Variants in TRPM3 observed in about 807,000 individuals in gnomAD.
The protein encoded by TRPM3 is long transient receptor potential channel 3.
A neutral mutation model predicts 181.2 loss-of-function variants in TRPM3; 77 were observed. The ratio of observed to expected loss-of-function variants is 0.42; its 90% CI spans 0.35 to 0.51. The LOEUF (loss-of-function observed/expected upper bound fraction) is 0.51. TRPM3 is among the 20% of genes least tolerant of loss of function. TRPM3 has a pLI of 0.01. For synonymous variants in TRPM3, 745 were observed against 796.4 expected (o/e 0.94, Z 1.09); for missense variants, 1,759 against 2,196.7 (o/e 0.80, Z 3.98).
At chr9:70,962,355 G>C (rs2097144575) in intron 1 of TRPM3, among the ~76,000 whole-genome samples, 1 of 152,174 alleles carries the variant, frequency 6.6e-6, no homozygotes, top group African/African-American at 2.4e-5. Context: ...GGATCTGCCT[G>C]TATCACGGGC....
At position 71,357,488 on chromosome 9, in the gene TRPM3, C is replaced by T. The variant is rs78967439; in HGVS notation, c.183+89165G>A. 6.0e-3 allele frequency among the ~76,000 whole-genome samples: 907 copies of T among 152,188 alleles called. 13 individuals carry two copies. Among genetic ancestry groups the T allele is most frequent in the African/African-American group, 0.021 (872 of 41,522 alleles). ...TCGTAGCAGTTCTCTCCATTGCATA[C>T]AAAGATAGCAGTACTGTCCCCTCGC... On this transcript the variant is annotated intron_variant, in intron 1 of 24. Coordinates refer to the TRPM3 transcript ENST00000357533.
chr9:71,094,540 A>C (rs954112010), intron 1 of TRPM3, among the ~76,000 whole-genome samples: 1 of 151,586 alleles, frequency 6.6e-6, no homozygotes, highest in Non-Finnish European at 1.5e-5. Flanking sequence ...GAGAAATAGA[A>C]GAGGAATATA....
At chr9:70,634,236 A>G (rs113714628) in intron 12 of TRPM3, among the ~76,000 whole-genome samples, 4 of 152,218 alleles carry the variant, frequency 2.6e-5, no homozygotes, top group Middle Eastern at 3.4e-3. Context: ...CAGCCTCCCA[A>G]GTAGCTGAGC....
intron 1 of TRPM3, among the ~76,000 whole-genome samples, chr9:70,910,112 C>T (rs1412742076): frequency 6.6e-6 from 1 of 152,178 alleles, no homozygotes; most frequent in Admixed American, 6.5e-5. Flanking sequence ...TAAGTGCTTA[C>T]AGTACCATTA....
intron 9 of TRPM3, among the ~76,000 whole-genome samples, chr9:70,652,959 T>G (rs1039503237): frequency 6.6e-6 from 1 of 152,116 alleles, no homozygotes; most frequent in African/African-American, 2.4e-5. Flanking sequence ...AAAGGTTAGA[T>G]GCTACCTTGC....
intron 1 of TRPM3, among the ~76,000 whole-genome samples, chr9:71,032,001 TTATATA>T (rs2057419908): frequency 3.8e-5 from 2 of 52,792 alleles, no homozygotes; most frequent in African/African-American, 1.1e-4. Context: ...ATATATATAA[TTATATA>T]ATATATAATA....
intron 9 of TRPM3, among the ~76,000 whole-genome samples, chr9:70,676,594 C>T (rs1165856763): frequency 6.6e-6 from 1 of 152,140 alleles, no homozygotes; most frequent in Non-Finnish European, 1.5e-5. Flanking sequence ...GCAGGGCCAG[C>T]TGAGAGGAGC....
chr9:70,667,451 T>C (rs1419047359), intron 9 of TRPM3, among the ~76,000 whole-genome samples: 1 of 152,208 alleles, frequency 6.6e-6, no homozygotes, highest in Non-Finnish European at 1.5e-5. Context: ...TATGCATTAA[T>C]TGATTTCATC....
rs1488321795 is a variant in TRPM3, at chr9:71,095,028, T to C, written c.177+26150A>G. Among the ~76,000 whole-genome samples, 3 of 152,168 alleles carry C rather than the reference T, an allele frequency of 2.0e-5. No individual in the cohort carries two copies. In the East Asian group the frequency reaches 5.8e-4, roughly 29 times the overall value. On this transcript the variant is annotated intron_variant, in intron 1 of 25. Coordinates refer to ENST00000677713, the MANE Select transcript of TRPM3 (RefSeq NM_001366145.2). ...CATACTCCATCCAAAACAACCACTT[T>C]GTATTCAGAAGAGCAGCCATATCAT...
At position 70,639,040 on chromosome 9, in the gene TRPM3, G is replaced by C. The variant is rs201946617; in HGVS notation, c.1581+20C>G. On this transcript the variant is annotated intron_variant, in intron 11 of 25. Coordinates refer to ENST00000677713, the MANE Select transcript of TRPM3 (RefSeq NM_001366145.2). Reference sequence around the variant, plus strand: ...AAACAGAAAAAAAAGAAAATAAAAAGTGCCTTAGTTTGGCCCTACCGTATT... The same window carrying C: ...AAACAGAAAAAAAAGAAAATAAAAACTGCCTTAGTTTGGCCCTACCGTATT... 3.4e-4 allele frequency: 552 copies of C among 1,607,958 alleles called. No individual in the cohort carries two copies. The highest frequency in any genetic ancestry group is 7.2e-4 in the Admixed American group (42 of 58,726).
intron 1 of TRPM3, among the ~76,000 whole-genome samples, chr9:71,257,829 CT>C (rs1301488735): frequency 6.6e-6 from 1 of 152,150 alleles, no homozygotes; most frequent in African/African-American, 2.4e-5. Flanking sequence ...TCCATTATAG[CT>C]GATATTTTGA....
At chr9:71,172,759 A>G (rs1390081618) in intron 1 of TRPM3, among the ~76,000 whole-genome samples, 1 of 152,192 alleles carries the variant, frequency 6.6e-6, no homozygotes, top group African/African-American at 2.4e-5. Context: ...AAAAATCTCC[A>G]AACAGAATAT....
In TRPM3 at chr9:70,863,017, T is replaced by C. The variant is rs1394302366; in HGVS notation, c.353A>G (p.Asn118Ser). 6.2e-7 allele frequency: 1 copy of C among 1,613,590 alleles called. No individual in the cohort carries two copies. Among genetic ancestry groups the C allele is most frequent in the Non-Finnish European group, 8.5e-7 (1 of 1,179,754 alleles). Residue 118 changes from asparagine (N) to serine (S), a missense_variant, in exon 3 of 26, where the codon AAT (asparagine) becomes AGT (serine). By Grantham distance (46) the Asn-to-Ser change is conservative (BLOSUM62 1). Coordinates refer to ENST00000677713, the MANE Select transcript of TRPM3 (RefSeq NM_001366145.2). The stretch of plus-strand genomic sequence containing the variant: ...GGACCACTTTTCAGACTGGATGTCA[T>C]TTCGGGAGAGGCGACTTTCATTTTT... ...NEKNESRLSR[N>S]DIQSEKWSIS...
At chr9:71,292,041 G>A (rs749408978) in intron 1 of TRPM3, among the ~76,000 whole-genome samples, 2 of 152,018 alleles carry the variant, frequency 1.3e-5, no homozygotes, top group Non-Finnish European at 2.9e-5. Flanking sequence ...AAGACAAGAA[G>A]AGCAGGCAGA....
intron 1 of TRPM3, among the ~76,000 whole-genome samples, chr9:71,385,763 G>A (rs1185925111): frequency 6.6e-6 from 1 of 152,088 alleles, no homozygotes; most frequent in Non-Finnish European, 1.5e-5. Flanking sequence ...GGAATGCAGT[G>A]GCACAACCTT....
chr9:71,096,912 G>T (rs750014938), intron 1 of TRPM3, among the ~76,000 whole-genome samples: 1 of 152,080 alleles, frequency 6.6e-6, no homozygotes, highest in Non-Finnish European at 1.5e-5. Flanking sequence ...AGCTGCTGGA[G>T]TCTATCTGAT....
At chr9:71,101,734 G>A (rs1472157323) in intron 1 of TRPM3, among the ~76,000 whole-genome samples, 1 of 152,148 alleles carries the variant, frequency 6.6e-6, no homozygotes, top group Non-Finnish European at 1.5e-5. Flanking sequence ...ACCCAGTTTA[G>A]TGACTAGTTT....
chr9:71,289,671 C>G (rs1173421029), intron 1 of TRPM3, among the ~76,000 whole-genome samples: 1 of 151,812 alleles, frequency 6.6e-6, no homozygotes, highest in Non-Finnish European at 1.5e-5. Context: ...AGTTTGAGAC[C>G]AGCCTGGCCA....
intron 6 of TRPM3, chr9:70,811,086 G>C: frequency 8.9e-7 from 1 of 1,118,630 alleles, no homozygotes; most frequent in Non-Finnish European, 1.3e-6. Context: ...ATACTGTTAG[G>C]AAATTATAAA....
Sources: gnomAD v4.1 joint callset for allele counts (sites outside exome capture counted in the v4.1 genomes callset) on GRCh38, gnomAD v4.1.1 for gene constraint, MANE v1.5 for transcripts, NCBI Gene and HGNC (gene_info 2026-07-23, HGNC 2026-07-21) for gene names.